GRIK3: variants seen among roughly 807,000 people sequenced by gnomAD.
The protein encoded by GRIK3 is glutamate receptor ionotropic, kainate 3.
In GRIK3, 29 loss-of-function variants were observed where a neutral mutation model predicts 102.5. The observed-to-expected ratio is 0.28, with a 90% CI of 0.21 to 0.39. The LOEUF (loss-of-function observed/expected upper bound fraction) is 0.39. Among genes scored for constraint, GRIK3 ranks in the 10% least tolerant of loss-of-function variants. The pLI, the probability that GRIK3 is intolerant of heterozygous loss-of-function variation, is 1.00. For missense variants in GRIK3, 908 were observed against 1,252.4 expected, an observed-to-expected ratio of 0.73 and a Z score of 4.15; for synonymous variants, 511 against 504.9, an observed-to-expected ratio of 1.01 and a Z score of -0.16.
chr1:36,919,251 A>C (rs2124302094), intron 1 of GRIK3, among the ~76,000 whole-genome samples: 1 of 152,324 alleles, frequency 6.6e-6, no homozygotes, highest in East Asian at 1.9e-4. Context: ...TACTGTGATA[A>C]ACTCAGTGTT....
At chr1:36,895,429 C>T (rs1339964800) in intron 1 of GRIK3, among the ~76,000 whole-genome samples, 1 of 149,618 alleles carries the variant, frequency 6.7e-6, no homozygotes, top group African/African-American at 2.5e-5. Flanking sequence ...GATGGGAATT[C>T]TAAGAAAAAA....
rs567128769 is a variant in GRIK3 at position 37,031,850 on chromosome 1, G to A, written c.115+2144C>T. ...CTCCCTGGCTCCAGCTGGGGTTCAA[G>A]CAGGGGCTCAGAAGGACAGAAACTC... On this transcript the variant is annotated intron_variant, in intron 1 of 15. Transcript: ENST00000373091. Among the ~76,000 whole-genome samples, 13 of 152,308 alleles carry A rather than the reference G, an allele frequency of 8.5e-5. No individual in the cohort carries two copies. The East Asian group carries it at 1.5e-3, about 18-fold the overall frequency.
chr1:37,010,385 C>G (rs1642581599), intron 1 of GRIK3, among the ~76,000 whole-genome samples: 1 of 152,210 alleles, frequency 6.6e-6, no homozygotes, highest in Non-Finnish European at 1.5e-5. Flanking sequence ...TGAGTGCTTT[C>G]TGTTCACCAG....
At chr1:36,903,219 T>C (rs1279298626) in intron 1 of GRIK3, among the ~76,000 whole-genome samples, 1 of 152,190 alleles carries the variant, frequency 6.6e-6, no homozygotes, top group Non-Finnish European at 1.5e-5. Context: ...CATATGAAGA[T>C]ACTCCATATT....
Position 36,869,757 on chromosome 1 carries a change from G to A in GRIK3, c.777C>T (p.Phe259=), listed in dbSNP as rs1640822440. The part of the protein sequence containing the change: ...GMMTEYYHFI[F]TTLDLYALDL... ...CCCAGAGGTACATTACCAGAGTGGTGAAGATGAAGTGGTAGTACTCAGTCA... is the reference window on the plus strand; with the variant it reads ...CCCAGAGGTACATTACCAGAGTGGTAAAGATGAAGTGGTAGTACTCAGTCA... The change falls in exon 5 of 16, where the codon TTC becomes TTT. Residue 259 remains phenylalanine, a synonymous_variant. Transcript: ENST00000373091. The A allele has an allele frequency of 6.2e-7, 1 of 1,609,820 alleles. No homozygotes were observed. The highest frequency in any genetic ancestry group is 8.5e-7 in the Non-Finnish European group (1 of 1,175,982).
chr1:36,834,939 C>T (rs774662582), intron 10 of GRIK3, among the ~76,000 whole-genome samples: 18 of 152,232 alleles, frequency 1.2e-4, no homozygotes, highest in Non-Finnish European at 2.2e-4. Context: ...CCTCATTCTT[C>T]AGGTAGCAGC....
intron 10 of GRIK3, among the ~76,000 whole-genome samples, chr1:36,840,304 T>G (rs868724694): frequency 1.3e-5 from 2 of 152,030 alleles, no homozygotes; most frequent in African/African-American, 4.8e-5. Context: ...TTCAGTCAAG[T>G]TGAGGGCCCT....
intron 11 of GRIK3, among the ~76,000 whole-genome samples, chr1:36,824,466 G>A (rs571437754): frequency 3.9e-5 from 6 of 152,174 alleles, no homozygotes; most frequent in Non-Finnish European, 5.9e-5. Context: ...AGGGCCTGGG[G>A]AGCAGGGACA....
intron 1 of GRIK3, among the ~76,000 whole-genome samples, chr1:36,986,971 C>A (rs1642313370): frequency 6.6e-6 from 1 of 152,190 alleles, no homozygotes; most frequent in Non-Finnish European, 1.5e-5. Context: ...TAGTCACCCA[C>A]CCAACCCAAG....
rs567934378 is a variant in GRIK3 at position 36,995,347 on chromosome 1, A to AC, written c.115+38646dup. 3.3e-5 allele frequency among the ~76,000 whole-genome samples: 5 copies of AC among 152,042 alleles called. No homozygotes were observed. In the South Asian group the frequency reaches 1.0e-3, roughly 32 times the overall value. ...GGGCACCTTTGTTTTGCATTTTAAG[A>AC]CCCCTGCTCTCAGCTTCAAATGATT... On this transcript the variant is annotated intron_variant, in intron 1 of 15. Transcript: ENST00000373091.
intron 5 of GRIK3, among the ~76,000 whole-genome samples, chr1:36,860,660 C>T (rs761971028): frequency 1.3e-4 from 20 of 152,130 alleles, no homozygotes; most frequent in Admixed American, 8.5e-4. Context: ...GCTGTAGCCC[C>T]GCCCTGCAGC....
At chr1:36,953,779 G>A (rs935968613) in intron 1 of GRIK3, among the ~76,000 whole-genome samples, 3 of 152,050 alleles carry the variant, frequency 2.0e-5, no homozygotes, top group Non-Finnish European at 2.9e-5. Context: ...GGTGGTGAGA[G>A]ATGCTCAGAG....
chr1:37,028,349 T>C (rs1178759426), intron 1 of GRIK3, among the ~76,000 whole-genome samples: 1 of 151,692 alleles, frequency 6.6e-6, no homozygotes, highest in Non-Finnish European at 1.5e-5. Context: ...CACCCAAGGG[T>C]GAGTCCGTCC....
chr1:36,860,884 T>G (rs374407789), intron 5 of GRIK3, among the ~76,000 whole-genome samples: 1 of 152,204 alleles, frequency 6.6e-6, no homozygotes, highest in East Asian at 1.9e-4. Context: ...AACATGACAA[T>G]GAAACATAGT....
At chr1:36,836,043 C>G in intron 10 of GRIK3, among the ~76,000 whole-genome samples, 1 of 152,316 alleles carries the variant, frequency 6.6e-6, no homozygotes, top group African/African-American at 2.4e-5. Context: ...TTCCCCTGCC[C>G]TCAACTGCCC....
At chr1:37,011,852 T>C (rs1456557819) in intron 1 of GRIK3, among the ~76,000 whole-genome samples, 2 of 152,224 alleles carry the variant, frequency 1.3e-5, no homozygotes, top group African/African-American at 4.8e-5. Flanking sequence ...TGATGGGTCT[T>C]GCAGGCACAA....
chr1:36,920,278 C>T (rs1310181574), intron 1 of GRIK3, among the ~76,000 whole-genome samples: 3 of 152,194 alleles, frequency 2.0e-5, no homozygotes, highest in Non-Finnish European at 4.4e-5. Context: ...TGTTACTCAA[C>T]CCCTCTGCCT....
chr1:36,860,123 G>A lies in GRIK3; in HGVS notation c.787-106C>T, dbSNP rs1156599815. On this transcript the variant is annotated intron_variant, in intron 5 of 15. Transcript: ENST00000373091. The stretch of plus-strand genomic sequence containing the variant: ...CAGGGCCGCCCCAGGGCCTGAGGTC[G>A]CAGCTCCCTGCAAAGCCCTGCAGAG... 4 of 804,758 alleles carry A rather than the reference G, an allele frequency of 5.0e-6. No individual in the cohort carries two copies. In the East Asian group the frequency reaches 7.7e-5, roughly 15 times the overall value. 49.9% of individuals were successfully genotyped at this position (804,758 alleles called of 1,614,324 possible).
chr1:36,893,015 A>G (rs1164935251), intron 1 of GRIK3, among the ~76,000 whole-genome samples: 1 of 152,218 alleles, frequency 6.6e-6, no homozygotes, highest in Non-Finnish European at 1.5e-5. Flanking sequence ...CTTAATCTAA[A>G]ATAAATTCCA....
Sources: gnomAD v4.1 joint callset for allele counts (sites outside exome capture counted in the v4.1 genomes callset) on GRCh38, gnomAD v4.1.1 for gene constraint, MANE v1.5 for transcripts, NCBI Gene and HGNC (gene_info 2026-07-23, HGNC 2026-07-21) for gene names.